NUMA1: variants seen among roughly 807,000 people sequenced by gnomAD.
NUMA1 encodes SP-H antigen.
A neutral mutation model predicts 237.1 loss-of-function variants in NUMA1; 62 were observed. The ratio of observed to expected loss-of-function variants is 0.26; its 90% CI spans 0.21 to 0.32. NUMA1 has a LOEUF of 0.32. Among genes scored for constraint, NUMA1 ranks in the 10% least tolerant of loss-of-function variants. The probability of loss-of-function intolerance (pLI) is 1.00; values close to 1 mark genes in which losing one functional copy is unlikely to be tolerated. For synonymous variants in NUMA1, 1,028 were observed against 1,066.1 expected (o/e 0.96, Z 0.70); for missense variants, 2,533 against 2,666.5 (o/e 0.95, Z 1.10).
At chr11:72,036,107 T>C (rs1266357870) in intron 2 of NUMA1, 132 bp from the exon 3 acceptor site, 8 of 673,946 alleles carry the variant, frequency 1.2e-5, no homozygotes, top group South Asian at 3.5e-5. Flanking sequence ...CAAGACACCA[T>C]GGGAATTTTT....
At chr11:72,063,227 T>A (rs1207412169) in intron 2 of NUMA1, among the ~76,000 whole-genome samples, 5 of 151,218 alleles carry the variant, frequency 3.3e-5, no homozygotes, top group Admixed American at 1.3e-4. Context: ...CTACAAAAAA[T>A]AAAAAATTAG....
At chr11:72,074,253 T>G (rs1397451864) in intron 1 of NUMA1, among the ~76,000 whole-genome samples, 1 of 151,108 alleles carries the variant, frequency 6.6e-6, no homozygotes, top group East Asian at 1.9e-4. Flanking sequence ...CTCGGGAGGC[T>G]GAGGCAGGAG....
intron 15 of NUMA1, 115 bp from the exon 16 acceptor site, chr11:72,012,557 T>A: frequency 9.8e-7 from 1 of 1,021,360 alleles, no homozygotes; most frequent in Non-Finnish European, 1.5e-6. Flanking sequence ...GGAGCTAGAT[T>A]GACAGTAAGT....
rs1035883707 is a variant in NUMA1 at position 72,069,844 on chromosome 11, C to A, written c.-35G>T. 6.6e-6 allele frequency: 1 copy of A among 152,174 alleles called. No homozygotes were observed. The highest frequency in any genetic ancestry group is 1.5e-5 in the Non-Finnish European group (1 of 68,080). 9.4% of individuals were successfully genotyped at this position (152,174 alleles called of 1,614,324 possible). The stretch of plus-strand genomic sequence containing the variant: ...GGGCAGAAACCATTTTGACTTACCT[C>A]CTGGTGGAAGCCTCCACACACTAGA... On this transcript the variant is annotated splice_region_variant and 5_prime_UTR_variant, in exon 2 of 27. Transcript: ENST00000393695.
chr11:72,048,232 G>A (rs1255254898), intron 2 of NUMA1, among the ~76,000 whole-genome samples: 1 of 152,114 alleles, frequency 6.6e-6, no homozygotes, highest in Non-Finnish European at 1.5e-5. Flanking sequence ...GAGTAGCTGG[G>A]ATAATAGGCA....
Position 72,004,679 on chromosome 11 carries a change from C to T in NUMA1, c.5967G>A (p.Arg1989=). Residue 1989 remains arginine (R), a synonymous_variant, in exon 24 of 27, where the codon CGG becomes CGA. Transcript: ENST00000393695. ...TGITTRQQRK[R]VSLEPHQGPG... Reference sequence around the variant, plus strand: ...GGCCCTGGTGGGGCTCTAGGGAGACCCGTTTGCGCTGCTGCCGGGTGGTGA... The same window carrying T: ...GGCCCTGGTGGGGCTCTAGGGAGACTCGTTTGCGCTGCTGCCGGGTGGTGA... 1 of 1,613,448 alleles carries T rather than the reference C, an allele frequency of 6.2e-7. No individual in the cohort carries two copies. Among genetic ancestry groups the T allele is most frequent in the Non-Finnish European group, 8.5e-7 (1 of 1,179,954 alleles).
rs5743681 is a variant in NUMA1 at position 72,003,642 on chromosome 11, C to T, written c.6337-104G>A. 3.7e-3 allele frequency: 5,384 copies of T among 1,472,946 alleles called. 185 individuals carry two copies. The African/African-American group carries it at 0.067, about 18-fold the overall frequency. The allele number at this position is 1,472,946 out of a possible 1,614,324, so 91.2% of individuals were successfully genotyped here. On this transcript the variant is annotated intron_variant, in intron 26 of 26. Coordinates refer to ENST00000393695, the MANE Select transcript of NUMA1 (RefSeq NM_006185.4). Reference sequence around the variant, plus strand: ...TGCTCCCACGCCCCTGTCTGGATCCCCTCCCTTGTGAGCCCCAGGGTTATC... The same window carrying T: ...TGCTCCCACGCCCCTGTCTGGATCCTCTCCCTTGTGAGCCCCAGGGTTATC...
chr11:72,016,697 G>T, intron 13 of NUMA1, 167 bp from the exon 14 acceptor site: 1 of 754,620 alleles, frequency 1.3e-6, no homozygotes, highest in Non-Finnish European at 2.1e-6. Flanking sequence ...GAGCATGAGG[G>T]ACCTGATTCT....
At position 72,049,936 on chromosome 11, in the gene NUMA1, T is replaced by A. The variant is rs1942247609; in HGVS notation, c.-32-13961A>T. Among the ~76,000 whole-genome samples, 12 of 152,132 alleles carry A rather than the reference T, an allele frequency of 7.9e-5. 1 individual carries two copies. The South Asian group carries it at 2.5e-3, about 32-fold the overall frequency. ...TAGAACTTGTCTCCTCAGAATCTGG[T>A]CAAAACATCACTAGTTAGGGTGTTC... On this transcript the variant is annotated intron_variant, in intron 2 of 26. Coordinates refer to ENST00000393695, the MANE Select transcript of NUMA1 (RefSeq NM_006185.4).
intron 2 of NUMA1, 72 bp from the exon 3 acceptor site, chr11:72,036,047 G>A: frequency 8.4e-7 from 1 of 1,188,334 alleles, no homozygotes; most frequent in Non-Finnish European, 1.2e-6. Flanking sequence ...AAGGCGAAAT[G>A]GTTCAATTTG....
intron 6 of NUMA1, among the ~76,000 whole-genome samples, chr11:72,022,726 A>G (rs1359963957): frequency 1.3e-5 from 2 of 152,144 alleles, no homozygotes; most frequent in East Asian, 3.8e-4. Context: ...CAGAAAGAGC[A>G]GAGGGAATGA....
intron 13 of NUMA1, 141 bp downstream of exon 13, chr11:72,017,546 A>C (rs776623879): frequency 9.2e-7 from 1 of 1,084,144 alleles, no homozygotes; most frequent in Non-Finnish European, 1.4e-6. Flanking sequence ...TGAAGCCCAC[A>C]ATCTTTCAAT....
intron 2 of NUMA1, 50 bp from the exon 3 acceptor site, chr11:72,036,025 G>C (rs974963247): frequency 1.4e-6 from 2 of 1,416,622 alleles, no homozygotes; most frequent in Non-Finnish European, 1.0e-6. Flanking sequence ...AGATATCCAT[G>C]ATCAAGAAAT....
intron 2 of NUMA1, among the ~76,000 whole-genome samples, chr11:72,043,840 G>A (rs1265671365): frequency 6.6e-6 from 1 of 152,122 alleles, no homozygotes; most frequent in Non-Finnish European, 1.5e-5. Context: ...TACTCAGGAG[G>A]CTAGGGTGGG....
At chr11:72,034,612 G>A (rs1940785518) in intron 3 of NUMA1, among the ~76,000 whole-genome samples, 1 of 151,982 alleles carries the variant, frequency 6.6e-6, no homozygotes, top group African/African-American at 2.4e-5. Flanking sequence ...GGAGGCTGAA[G>A]CAGGAGAATT....
intron 12 of NUMA1, 64 bp from the exon 13 acceptor site, chr11:72,017,891 G>C: frequency 6.4e-7 from 1 of 1,561,814 alleles, no homozygotes; most frequent in Non-Finnish European, 8.7e-7. Flanking sequence ...ACTGCTGTCT[G>C]CTCCCAGAAC....
rs1956316906 is a variant in NUMA1, at chr11:72,013,885, T to C, written c.3618A>G (p.Glu1206=). 6.2e-7 allele frequency: 1 copy of C among 1,613,852 alleles called. No individual in the cohort carries two copies. The highest frequency in any genetic ancestry group is 8.5e-7 in the Non-Finnish European group (1 of 1,180,048). The change falls in exon 15 of 27, where the codon GAA becomes GAG. Residue 1206 remains glutamate, a synonymous_variant. Transcript: ENST00000393695. This position sits in a 1 kb window ranked among gnomAD's most constrained non-coding sequence, Gnocchi z 6.8. The part of the protein sequence containing the change: ...RTKVQDHSKA[E]DEWKAQVARG... ...GGGCCACCTGGGCCTTCCACTCATCTTCAGCCTTGCTGTGGTCTTGTACCT... is the reference window on the plus strand; with the variant it reads ...GGGCCACCTGGGCCTTCCACTCATCCTCAGCCTTGCTGTGGTCTTGTACCT...
rs1938209329 is a variant in NUMA1 at position 72,018,384 on chromosome 11, G to A, written c.860+12C>T. The A allele has an allele frequency of 1.9e-6, 3 of 1,601,954 alleles. No homozygotes were observed. Among genetic ancestry groups the A allele is most frequent in the Non-Finnish European group, 2.6e-6 (3 of 1,169,028 alleles). On this transcript the variant is annotated intron_variant, in intron 11 of 26. Coordinates refer to ENST00000393695, the MANE Select transcript of NUMA1 (RefSeq NM_006185.4). ...GGCTGGGGCCTGGGAAGGAATGCAG[G>A]GAGAGCTGTACCTCTCATTCTTGTC...
intron 1 of NUMA1, among the ~76,000 whole-genome samples, chr11:72,073,722 A>G (rs529746055): frequency 6.6e-6 from 1 of 152,318 alleles, no homozygotes; most frequent in African/African-American, 2.4e-5. Flanking sequence ...AAGAAATTTC[A>G]GCATGTTGTA....
Sources: gnomAD v4.1 joint callset for allele counts (sites outside exome capture counted in the v4.1 genomes callset) on GRCh38, gnomAD v4.1.1 for gene constraint, Gnocchi (gnomAD v3.1) non-coding constraint, MANE v1.5 for transcripts, NCBI Gene and HGNC (gene_info 2026-07-23, HGNC 2026-07-21) for gene names.